NRL: variants seen among roughly 807,000 people sequenced by gnomAD.
NRL encodes the protein neural retina leucine zipper, also known as neural retina-specific leucine zipper protein.
Under a neutral mutation model 12.5 loss-of-function variants are expected in NRL, and 16 were observed. The observed-to-expected ratio is 1.28, with a 90% CI of 0.87 to 1.95. NRL has a LOEUF of 1.95. Among genes scored for constraint, NRL ranks in the 30% most tolerant of loss-of-function variants. The pLI is 0.00. For missense variants in NRL, 314 were observed against 325.8 expected (o/e 0.96, Z 0.28); for synonymous variants, 142 against 150.9 (o/e 0.94, Z 0.43).
In NRL at chr14:24,104,067, A is replaced by C. The variant is rs1039395017; in HGVS notation, c.-28+10655T>G. The C allele has an allele frequency of 8.0e-6, 6 of 750,618 alleles. No individual in the cohort carries two copies. In the African/African-American group the frequency reaches 1.0e-4, roughly 13 times the overall value. The allele number at this position is 750,618 out of a possible 1,614,324, so 46.5% of individuals were successfully genotyped here. A position where few individuals can be genotyped will look rare whatever the true frequency, so the allele number is the denominator to read the frequency against. Reference sequence around the variant, plus strand: ...AATTTGATATTAACTAACATCTTCAATGTGCCATAGACCTTCCCACAAAGA... The same window carrying C: ...AATTTGATATTAACTAACATCTTCACTGTGCCATAGACCTTCCCACAAAGA... On this transcript the variant is annotated intron_variant, in intron 1 of 2. Coordinates refer to ENST00000561028, the MANE Select transcript of NRL (RefSeq NM_001354768.3).
At chr14:24,102,821 G>A (rs369939667) in intron 1 of NRL, 3 of 1,613,934 alleles carry the variant, frequency 1.9e-6, no homozygotes, top group Non-Finnish European at 2.5e-6. Flanking sequence ...CCCCATCATG[G>A]ACCCAGCCTG....
At chr14:24,110,500 A>G (rs1381476126) in intron 1 of NRL, 2 of 179,134 alleles carry the variant, frequency 1.1e-5, no homozygotes, top group East Asian at 3.6e-4. Context: ...TAACTTGACA[A>G]TGTAGTTTGC....
At chr14:24,093,662 G>A (rs1410104371) in intron 1 of NRL, among the ~76,000 whole-genome samples, 1 of 152,184 alleles carries the variant, frequency 6.6e-6, no homozygotes, top group Non-Finnish European at 1.5e-5. Context: ...CAGCCTGGGT[G>A]ACAGAGTAAG....
intron 1 of NRL, chr14:24,098,560 C>G (rs1467776589): frequency 6.2e-7 from 1 of 1,614,148 alleles, no homozygotes; most frequent in Non-Finnish European, 8.5e-7. Flanking sequence ...CTGACTCAGC[C>G]TATGTGGTGG....
chr14:24,087,423 G>A (rs2036493892), intron 1 of NRL, among the ~76,000 whole-genome samples: 2 of 152,110 alleles, frequency 1.3e-5, no homozygotes, highest in Admixed American at 1.3e-4. Flanking sequence ...GGGGAAAGAG[G>A]GGCAGGCAGG....
rs2036296373 is a variant in NRL, at chr14:24,081,494, G to A, written c.456C>T (p.Cys152=). The stretch of plus-strand genomic sequence containing the variant: ...TCAGCCGCAGCGCCTCGTCGCGCCC[G>A]CAGCCCCGCAGCTGCCGGTTTAGCT... ...VRELNRQLRG[C]GRDEALRLKQ... is the part of the protein sequence containing the mutation. Residue 152 remains cysteine, a synonymous_variant, in exon 3 of 3, where the codon TGC becomes TGT. Coordinates refer to ENST00000561028, the MANE Select transcript of NRL (RefSeq NM_001354768.3). This position sits in a 1 kb window ranked among gnomAD's most constrained non-coding sequence, Gnocchi z 4.4. 11 of 1,597,500 alleles carry A rather than the reference G, an allele frequency of 6.9e-6. No homozygotes were observed. In the East Asian group the frequency reaches 1.6e-4, roughly 23 times the overall value.
rs2036786852 is a variant in NRL at position 24,094,817 on chromosome 14, C to T, written c.-27-11942G>A. On this transcript the variant is annotated intron_variant, in intron 1 of 2. Transcript: ENST00000561028. The surrounding 1 kb of genome is among the most constrained non-coding windows in gnomAD (Gnocchi z 4.1). ...TCTCAGCCAGCGCCCCAGGGTACTTCGAGAGGCAGCAGGGCCCTGGGGACA... is the reference window on the plus strand; with the variant it reads ...TCTCAGCCAGCGCCCCAGGGTACTTTGAGAGGCAGCAGGGCCCTGGGGACA... 2.3e-6 allele frequency: 3 copies of T among 1,332,428 alleles called. No individual in the cohort carries two copies. The highest frequency in any genetic ancestry group is 1.5e-5 in the African/African-American group (1 of 67,488). The allele number at this position is 1,332,428 out of a possible 1,614,324, so 82.5% of individuals were successfully genotyped here.
intron 1 of NRL, chr14:24,102,739 AT>A: frequency 1.9e-6 from 3 of 1,610,356 alleles, no homozygotes. Context: ...TAGTGTTTGT[AT>A]TTCCTCTGCC....
At chr14:24,108,022 G>C (rs1306829873) in intron 1 of NRL, among the ~76,000 whole-genome samples, 2 of 152,122 alleles carry the variant, frequency 1.3e-5, no homozygotes, top group Admixed American at 6.5e-5. Flanking sequence ...TGTTCAAATT[G>C]TCCCACATTT....
chr14:24,106,219 A>C (rs2037337167), intron 1 of NRL, among the ~76,000 whole-genome samples: 1 of 152,238 alleles, frequency 6.6e-6, no homozygotes, highest in Admixed American at 6.5e-5. Flanking sequence ...GAGAGAATGT[A>C]TAACCTAAGG....
chr14:24,106,066 C>T (rs1220066781), intron 1 of NRL, among the ~76,000 whole-genome samples: 1 of 152,186 alleles, frequency 6.6e-6, no homozygotes, highest in African/African-American at 2.4e-5. Flanking sequence ...AATGCTGATG[C>T]TGCCGGTCTG....
At chr14:24,106,562 A>T (rs2037341748) in intron 1 of NRL, among the ~76,000 whole-genome samples, 3 of 152,144 alleles carry the variant, frequency 2.0e-5, no homozygotes, top group Admixed American at 1.3e-4. Context: ...CTCTACTAAA[A>T]ATACAAAAAT....
intron 1 of NRL, chr14:24,098,087 T>A: frequency 1.3e-6 from 1 of 787,792 alleles, no homozygotes; most frequent in Non-Finnish European, 2.0e-6. Flanking sequence ...TGTGATTGGG[T>A]GGGGAAACAT....
In NRL at chr14:24,080,391, G is replaced by A. The variant is rs2036243899; in HGVS notation, c.*845C>T. On this transcript the variant is annotated 3_prime_UTR_variant, in exon 3 of 3. Coordinates refer to ENST00000561028, the MANE Select transcript of NRL (RefSeq NM_001354768.3). ...GCATCCCCTGCCTAGGCTGCAGCTG[G>A]GAAACTGCAGCAGGATAGGAGGTGC... The A allele has an allele frequency of 6.6e-6, 1 of 152,354 alleles. No homozygotes were observed. The highest frequency in any genetic ancestry group is 1.5e-5 in the Non-Finnish European group (1 of 68,058). The allele number at this position is 152,354 out of a possible 1,614,324, so 9.4% of individuals were successfully genotyped here. A position where few individuals can be genotyped will look rare whatever the true frequency, so the allele number is the denominator to read the frequency against.
intron 1 of NRL, among the ~76,000 whole-genome samples, chr14:24,110,055 G>A (rs963243000): frequency 7.2e-5 from 11 of 151,790 alleles, no homozygotes; most frequent in African/African-American, 2.7e-4. Context: ...CTACACCTTT[G>A]TCACCAGTTC....
Position 24,094,401 on chromosome 14 carries a change from G to T in NRL, c.-27-11526C>A. 6.4e-7 allele frequency: 1 copy of T among 1,557,304 alleles called. No homozygotes were observed. On this transcript the variant is annotated intron_variant, in intron 1 of 2. Transcript: ENST00000561028. This position sits in a 1 kb window ranked among gnomAD's most constrained non-coding sequence, Gnocchi z 4.1. ...TGGCCACCCCGCAGCCCCTGCCCAG[G>T]TGCCATGGCCGCATTGTACCGCCCT...
chr14:24,103,713 A>C (rs2138980190), intron 1 of NRL: 1 of 1,614,160 alleles, frequency 6.2e-7, no homozygotes, highest in African/African-American at 1.3e-5. Context: ...GCTAGACTGG[A>C]TCTGCCGGCG....
intron 1 of NRL, among the ~76,000 whole-genome samples, chr14:24,108,913 T>C (rs1413250797): frequency 6.6e-6 from 1 of 152,194 alleles, no homozygotes. Flanking sequence ...AGCTGGGAGC[T>C]GCAGTAGAGG....
intron 1 of NRL, chr14:24,097,047 T>C (rs777435692): frequency 2.1e-5 from 34 of 1,612,844 alleles, no homozygotes; most frequent in Non-Finnish European, 2.9e-5. Flanking sequence ...GGCATCCACA[T>C]CTGTGATGGA....
Sources: allele counts gnomAD v4.1 joint callset (sites outside exome capture counted in the v4.1 genomes callset), GRCh38; gene constraint gnomAD v4.1.1; non-coding constraint Gnocchi (gnomAD v3.1); transcripts MANE v1.5; gene names NCBI Gene and HGNC (gene_info 2026-07-23, HGNC 2026-07-21).